Variants in KCTD16 observed in about 807,000 individuals in gnomAD.
The protein encoded by KCTD16 is BTB/POZ domain-containing protein KCTD16.
A neutral mutation model predicts 33.2 loss-of-function variants in KCTD16; 13 were observed. That is an observed-to-expected ratio of 0.39 (90% confidence interval 0.25 to 0.62). The LOEUF (loss-of-function observed/expected upper bound fraction) is 0.62, where lower values mean the gene tolerates loss of function less well. Among genes scored for constraint, KCTD16 ranks in the 20% least tolerant of loss-of-function variants. KCTD16 has a pLI of 0.50. For missense variants in KCTD16, 441 were observed against 525.1 expected, an observed-to-expected ratio of 0.84 and a Z score of 1.57; for synonymous variants, 197 against 195.3, an observed-to-expected ratio of 1.01 and a Z score of -0.07.
In KCTD16 at chr5:144,172,302, C is replaced by T. The variant is rs188366555; in HGVS notation, c.-493+1293C>T. 3.1e-3 allele frequency among the ~76,000 whole-genome samples: 473 copies of T among 152,268 alleles called. 2 individuals are homozygous for T. The highest frequency in any genetic ancestry group is 4.6e-3 in the Non-Finnish European group (310 of 68,008). ...TTTTTGTGGATACATCATAGTTGTA[C>T]ATATTTATGAGATAAATGTGACATT... On this transcript the variant is annotated intron_variant, in intron 1 of 3. Coordinates refer to ENST00000512467, the MANE Select transcript of KCTD16 (RefSeq NM_020768.4).
At chr5:144,447,154 A>G (rs1474235464) in intron 3 of KCTD16, among the ~76,000 whole-genome samples, 1 of 152,152 alleles carries the variant, frequency 6.6e-6, no homozygotes, top group African/African-American at 2.4e-5. Context: ...CTTGGAACCA[A>G]CCCAAATGCC....
intron 3 of KCTD16, among the ~76,000 whole-genome samples, chr5:144,430,571 A>G (rs1390272871): frequency 6.6e-6 from 1 of 152,106 alleles, no homozygotes; most frequent in Non-Finnish European, 1.5e-5. Flanking sequence ...GGGATGGCAA[A>G]TTGTTTTGCC....
At chr5:144,428,600 T>G (rs1469025321) in intron 3 of KCTD16, among the ~76,000 whole-genome samples, 1 of 152,204 alleles carries the variant, frequency 6.6e-6, no homozygotes, top group East Asian at 1.9e-4. Flanking sequence ...ATCTTTAAAC[T>G]TCAAGGCAAG....
At chr5:144,268,888 A>G (rs1755220310) in intron 3 of KCTD16, among the ~76,000 whole-genome samples, 1 of 152,198 alleles carries the variant, frequency 6.6e-6, no homozygotes, top group African/African-American at 2.4e-5. Context: ...ATCAATAAAG[A>G]TAAGACTTAA....
At chr5:144,370,338 A>G (rs1751940724) in intron 3 of KCTD16, among the ~76,000 whole-genome samples, 1 of 152,234 alleles carries the variant, frequency 6.6e-6, no homozygotes, top group African/African-American at 2.4e-5. Flanking sequence ...TTCTACCTAG[A>G]CTGAAGGATA....
rs78929503 is a variant in KCTD16 at position 144,382,235 on chromosome 5, G to T, written c.833-91425G>T. Among the ~76,000 whole-genome samples, 472 of 152,158 alleles carry T rather than the reference G, an allele frequency of 3.1e-3. 2 individuals carry two copies. Among genetic ancestry groups the T allele is most frequent in the African/African-American group, 0.011 (436 of 41,498 alleles). ...CCAAAGATCGGAATAATAGACATAG[G>T]TTCTTACTTGAAGGATGAGCATGTG... On this transcript the variant is annotated intron_variant, in intron 3 of 3. Coordinates refer to ENST00000512467, the MANE Select transcript of KCTD16 (RefSeq NM_020768.4).
At chr5:144,460,952 G>A (rs912805029) in intron 3 of KCTD16, among the ~76,000 whole-genome samples, 2 of 152,162 alleles carry the variant, frequency 1.3e-5, no homozygotes, top group Non-Finnish European at 2.9e-5. Context: ...TTAAGCCACA[G>A]CTCTTCTCAA....
At chr5:144,300,668 C>A (rs1050352963) in intron 3 of KCTD16, among the ~76,000 whole-genome samples, 6 of 152,136 alleles carry the variant, frequency 3.9e-5, no homozygotes, top group Non-Finnish European at 8.8e-5. Context: ...CTAGTGAAGA[C>A]ATAACACTCT....
chr5:144,306,240 A>G (rs1290019927), intron 3 of KCTD16, among the ~76,000 whole-genome samples: 2 of 152,234 alleles, frequency 1.3e-5, no homozygotes, highest in African/African-American at 4.8e-5. Context: ...CTTCACTCCT[A>G]AATCATTCTG....
At chr5:144,198,263 TAAAC>T (rs1467161215) in intron 2 of KCTD16, among the ~76,000 whole-genome samples, 1 of 152,218 alleles carries the variant, frequency 6.6e-6, no homozygotes, top group East Asian at 1.9e-4. Flanking sequence ...GCAATTAAAT[TAAAC>T]AAACATTAAT....
chr5:144,268,225 A>G (rs1285001330), intron 3 of KCTD16, among the ~76,000 whole-genome samples: 1 of 152,036 alleles, frequency 6.6e-6, no homozygotes, highest in African/African-American at 2.4e-5. Flanking sequence ...AAAAAAAAAT[A>G]CTCTATCCTC....
In KCTD16 at chr5:144,474,343, T is replaced by A. The variant is rs1754548726; in HGVS notation, c.*229T>A. ...GTACAAGAAAATCTTTTTTAGTTAT[T>A]TGTTTGTTTACTTCGTCCCATGTGC... On this transcript the variant is annotated 3_prime_UTR_variant, in exon 4 of 4. Transcript: ENST00000512467. 4.2e-6 allele frequency: 2 copies of A among 479,156 alleles called. No homozygotes were observed. The highest frequency in any genetic ancestry group is 7.4e-6 in the Non-Finnish European group (2 of 269,314). 29.7% of individuals were successfully genotyped at this position (479,156 alleles called of 1,614,324 possible). A position where few individuals can be genotyped will look rare whatever the true frequency, so the allele number is the denominator to read the frequency against.
At position 144,302,295 on chromosome 5, in the gene KCTD16, AAAATG is replaced by A. The variant is rs1751463074; in HGVS notation, c.832+94753_832+94757del. 2.0e-5 allele frequency among the ~76,000 whole-genome samples: 3 copies of A among 152,348 alleles called. No homozygotes were observed. The South Asian group carries it at 6.2e-4, about 32-fold the overall frequency. Reference sequence around the variant, plus strand: ...CTGGGCAGGTGTCAGGGAGAAGAAAAAAATGAAAAGAAACAAAAGGAGAAAGAGAA... The same window carrying A: ...CTGGGCAGGTGTCAGGGAGAAGAAAAAAAAGAAACAAAAGGAGAAAGAGAA... On this transcript the variant is annotated intron_variant, in intron 3 of 3. Transcript: ENST00000512467.
At chr5:144,234,907 A>G (rs920410132) in intron 3 of KCTD16, among the ~76,000 whole-genome samples, 4 of 152,088 alleles carry the variant, frequency 2.6e-5, no homozygotes, top group Non-Finnish European at 4.4e-5. Context: ...CCAAAAACCA[A>G]TCTCTCCCTA....
At chr5:144,383,326 A>T (rs1752255299) in intron 3 of KCTD16, among the ~76,000 whole-genome samples, 1 of 152,010 alleles carries the variant, frequency 6.6e-6, no homozygotes, top group Non-Finnish European at 1.5e-5. Context: ...TGCCATTTTG[A>T]CCTTTCTTTT....
At chr5:144,190,565 G>T (rs541283196) in intron 2 of KCTD16, among the ~76,000 whole-genome samples, 1 of 152,010 alleles carries the variant, frequency 6.6e-6, no homozygotes, top group South Asian at 2.1e-4. Context: ...ATTGATTGTT[G>T]AATGAAAATT....
At chr5:144,392,739 T>C (rs1752478399) in intron 3 of KCTD16, among the ~76,000 whole-genome samples, 1 of 152,168 alleles carries the variant, frequency 6.6e-6, no homozygotes, top group African/African-American at 2.4e-5. Context: ...AGAAATAACT[T>C]GTATTACTTC....
chr5:144,460,008 A>G (rs1173086020), intron 3 of KCTD16, among the ~76,000 whole-genome samples: 6 of 150,854 alleles, frequency 4.0e-5, no homozygotes, highest in African/African-American at 1.5e-4. Flanking sequence ...AATTTTTTGT[A>G]TTTTTAGTAG....
At chr5:144,262,610 T>G (rs1172275359) in intron 3 of KCTD16, among the ~76,000 whole-genome samples, 1 of 152,230 alleles carries the variant, frequency 6.6e-6, no homozygotes, top group African/African-American at 2.4e-5. Context: ...CTTCTCATTT[T>G]AATCCTTTCC....
Sources: gnomAD v4.1 joint callset for allele counts (sites outside exome capture counted in the v4.1 genomes callset) on GRCh38, gnomAD v4.1.1 for gene constraint, MANE v1.5 for transcripts, NCBI Gene and HGNC (gene_info 2026-07-23, HGNC 2026-07-21) for gene names.